Variants in MKLN1 observed in about 807,000 individuals in gnomAD.
The protein encoded by MKLN1 is muskelin 1.
In MKLN1, 18 loss-of-function variants were observed where a neutral mutation model predicts 99.0. The ratio of observed to expected loss-of-function variants is 0.18; its 90% CI spans 0.13 to 0.27. MKLN1 has a LOEUF of 0.27. Among genes scored for constraint, MKLN1 ranks in the 10% least tolerant of loss-of-function variants. MKLN1 has a pLI of 1.00. For synonymous variants in MKLN1, 288 were observed against 293.2 expected, an observed-to-expected ratio of 0.98 and a Z score of 0.18; for missense variants, 621 against 875.9, an observed-to-expected ratio of 0.71 and a Z score of 3.67.
At chr7:131,295,315 A>T (rs1798274545) in intron 3 of MKLN1, among the ~76,000 whole-genome samples, 1 of 152,128 alleles carries the variant, frequency 6.6e-6, no homozygotes, top group African/African-American at 2.4e-5. Flanking sequence ...CCAAGAGCTA[A>T]CATTTAAAAC....
At chr7:131,453,785 A>G (rs1796253606) in intron 12 of MKLN1, among the ~76,000 whole-genome samples, 1 of 152,192 alleles carries the variant, frequency 6.6e-6, no homozygotes, top group South Asian at 2.1e-4. Flanking sequence ...AATAATGACA[A>G]ACTAGCAATT....
chr7:131,211,591 C>T (rs1021421700), intron 3 of MKLN1, among the ~76,000 whole-genome samples: 4 of 143,290 alleles, frequency 2.8e-5, no homozygotes, highest in Non-Finnish European at 4.7e-5. Context: ...TTTATTACAA[C>T]CAACCCTTGT....
At chr7:131,485,885 G>A (rs1797257735) in intron 17 of MKLN1, among the ~76,000 whole-genome samples, 1 of 151,988 alleles carries the variant, frequency 6.6e-6, no homozygotes, top group African/African-American at 2.4e-5. Context: ...AGATTAGTAG[G>A]AAACATGACT....
intron 2 of MKLN1, among the ~76,000 whole-genome samples, chr7:131,147,241 TA>T (rs1795828228): frequency 6.7e-6 from 1 of 149,550 alleles, no homozygotes. Flanking sequence ...TTTGTATTTT[TA>T]GTAGAGACAG....
At chr7:131,173,709 A>T (rs2116339857) in intron 2 of MKLN1, among the ~76,000 whole-genome samples, 1 of 152,300 alleles carries the variant, frequency 6.6e-6, no homozygotes, top group African/African-American at 2.4e-5. Context: ...ATAGAGCAAG[A>T]TTCCATCTCA....
rs1377949066 is a variant in MKLN1 at position 131,494,587 on chromosome 7, T to C, written c.*6859T>C. On this transcript the variant is annotated 3_prime_UTR_variant, in exon 18 of 18. Transcript: ENST00000352689. ...CATGTACTGATCTTTTTCTTGGGAT[T>C]TTTTTTCCTTTCCCAGAAAAAAAAA... is the stretch of plus-strand genomic sequence containing the variant. 5 of 152,102 alleles carry C rather than the reference T, an allele frequency of 3.3e-5. No individual in the cohort carries two copies. In the East Asian group the frequency reaches 9.6e-4, roughly 29 times the overall value. The allele number at this position is 152,102 out of a possible 1,614,324, so 9.4% of individuals were successfully genotyped here. A position where few individuals can be genotyped will look rare whatever the true frequency, so the allele number is the denominator to read the frequency against.
chr7:131,411,901 C>CAGA (rs1794887084), intron 7 of MKLN1, among the ~76,000 whole-genome samples: 1 of 52,988 alleles, frequency 1.9e-5, no homozygotes, highest in Non-Finnish European at 3.5e-5. Context: ...ATGGAGATTC[C>CAGA]ATCTCAAAAA....
chr7:131,391,510 G>A (rs1374322994), intron 4 of MKLN1, among the ~76,000 whole-genome samples: 1 of 152,174 alleles, frequency 6.6e-6, no homozygotes. Flanking sequence ...ATTGAAGTAA[G>A]TTTGGTCATA....
At chr7:131,269,091 A>G (rs1332272589) in intron 3 of MKLN1, among the ~76,000 whole-genome samples, 3 of 152,242 alleles carry the variant, frequency 2.0e-5, no homozygotes, top group African/African-American at 7.2e-5. Context: ...CTCATTACAA[A>G]ATCTGGCAAG....
chr7:131,210,883 T>A (rs542319041), intron 3 of MKLN1, among the ~76,000 whole-genome samples: 73 of 150,010 alleles, frequency 4.9e-4, no homozygotes, highest in Non-Finnish European at 8.5e-4. Context: ...GTTAGCAGGG[T>A]TGAAGTCGTT....
At chr7:131,252,243 G>C in intron 3 of MKLN1, among the ~76,000 whole-genome samples, 1 of 151,738 alleles carries the variant, frequency 6.6e-6, no homozygotes, top group East Asian at 1.9e-4. Flanking sequence ...CAATGGACTT[G>C]ATTTAATGAA....
chr7:131,334,012 A>G (rs1799179879), intron 1 of MKLN1, among the ~76,000 whole-genome samples: 1 of 152,214 alleles, frequency 6.6e-6, no homozygotes, highest in Admixed American at 6.5e-5. Context: ...TGTCTAGAGG[A>G]TGCTTATATA....
At chr7:131,471,168 G>T in intron 16 of MKLN1, 1 of 400,278 alleles carries the variant, frequency 2.5e-6, no homozygotes, top group East Asian at 5.1e-5. Context: ...TTCAGAAAAG[G>T]ATTATCAGGT....
At chr7:131,286,640 CACTCTGTTTAAAGT>C (rs1196492720) in intron 3 of MKLN1, among the ~76,000 whole-genome samples, 5 of 152,168 alleles carry the variant, frequency 3.3e-5, no homozygotes, top group African/African-American at 1.2e-4. Flanking sequence ...ACAGAATGTC[CACTCTGTTTAAAGT>C]ACTGTGCTAA....
intron 1 of MKLN1, among the ~76,000 whole-genome samples, chr7:131,122,186 G>C (rs1441957834): frequency 1.3e-5 from 2 of 152,228 alleles, no homozygotes; most frequent in African/African-American, 4.8e-5. Context: ...AAGAAAGAGA[G>C]AAAGATGCAT....
chr7:131,348,812 A>C (rs1584633324), intron 1 of MKLN1, among the ~76,000 whole-genome samples: 1 of 152,320 alleles, frequency 6.6e-6, no homozygotes, highest in East Asian at 1.9e-4. Context: ...GAAAGAATTG[A>C]GACAGTATGG....
chr7:131,340,453 A>G (rs1017637269), intron 1 of MKLN1, among the ~76,000 whole-genome samples: 2 of 151,532 alleles, frequency 1.3e-5, no homozygotes, highest in Admixed American at 1.3e-4. Flanking sequence ...TAATTTTTGT[A>G]TTTTTAGTAG....
intron 12 of MKLN1, among the ~76,000 whole-genome samples, chr7:131,460,700 G>A (rs1217685606): frequency 1.3e-5 from 2 of 152,116 alleles, no homozygotes; most frequent in African/African-American, 4.8e-5. Flanking sequence ...ATAATTGTAG[G>A]TGAAAACAGC....
chr7:131,341,168 AT>A (rs995288548), intron 1 of MKLN1, among the ~76,000 whole-genome samples: 112 of 145,470 alleles, frequency 7.7e-4, no homozygotes, highest in African/African-American at 1.1e-3. Context: ...TTGTTGGTTG[AT>A]TTTTTTTTTT....
Sources: gnomAD v4.1 joint callset for allele counts (sites outside exome capture counted in the v4.1 genomes callset) on GRCh38, gnomAD v4.1.1 for gene constraint, MANE v1.5 for transcripts, NCBI Gene and HGNC (gene_info 2026-07-23, HGNC 2026-07-21) for gene names.